The following DST variants were observed in gnomAD, a reference collection of about 807,000 sequenced individuals.
DST encodes the protein bullous pemphigoid antigen.
In DST, 253 loss-of-function variants were observed where a neutral mutation model predicts 875.2. The observed-to-expected ratio is 0.29, with a 90% confidence interval of 0.26 to 0.32. The LOEUF is 0.32. DST is among the 10% of genes least tolerant of loss of function. The pLI is 1.00. For missense variants in DST, 8,287 were observed against 9,111.6 expected, an observed-to-expected ratio of 0.91 and a Z score of 3.68; for synonymous variants, 3,124 against 3,197.1, an observed-to-expected ratio of 0.98 and a Z score of 0.77.
rs188037907 is a variant in DST, at chr6:56,482,557, A to C, written c.21402+126T>G. Reference sequence around the variant, plus strand: ...GAAGGATCAAGGCAATGTTGCTATTAGAATTTCCTTCTTCAGACTGTCCTG... The same window carrying C: ...GAAGGATCAAGGCAATGTTGCTATTCGAATTTCCTTCTTCAGACTGTCCTG... On this transcript the variant is annotated intron_variant, in intron 89 of 103. Coordinates refer to ENST00000680361, the MANE Select transcript of DST (RefSeq NM_001374736.1). 7 of 899,516 alleles carry C rather than the reference A, an allele frequency of 7.8e-6. No individual in the cohort carries two copies. The Admixed American group carries it at 8.9e-5, about 11-fold the overall frequency. 55.7% of individuals were successfully genotyped at this position (899,516 alleles called of 1,614,324 possible).
rs886061649 is a variant in DST, at chr6:56,631,989, A to C, written c.3857T>G (p.Ile1286Ser). The part of the protein sequence containing the change: ...YNLYISEVRN[I>S]RLRLENCEDR... ...TTCACAGTTCTCTAACCGAAGTCTA[A>C]TGTTTCGAACTTCAGAGATGTAGAG... is the stretch of plus-strand genomic sequence containing the variant. Residue 1286 changes from isoleucine to serine, a missense_variant, in exon 29 of 104, where the codon ATT (isoleucine) becomes AGT (serine). By Grantham distance (142) the Ile-to-Ser change is moderately radical. Around this residue, in one of 10 missense-constraint regions of DST, gnomAD observed 3,138 missense variants for 3,116.6 expected, o/e 1.01. Transcript: ENST00000680361. The C allele has an allele frequency of 1.5e-5, 25 of 1,613,546 alleles. No homozygotes were observed. The highest frequency in any genetic ancestry group is 2.1e-5 in the Non-Finnish European group (25 of 1,179,604).
At chr6:56,618,859 T>A (rs772996445) in intron 36 of DST, 1 of 1,614,170 alleles carries the variant, frequency 6.2e-7, no homozygotes, top group East Asian at 2.2e-5. Flanking sequence ...CTATGGTCTT[T>A]AAGTGTAATT....
At chr6:56,527,352 G>A (rs2096821724) in intron 68 of DST, 141 bp downstream of exon 68, 2 of 1,043,700 alleles carry the variant, frequency 1.9e-6, no homozygotes, top group Non-Finnish European at 2.7e-6. Flanking sequence ...TTGATCTGCT[G>A]CCAATTTCTA....
intron 37 of DST, 89 bp from the exon 38 acceptor site, chr6:56,611,685 G>A: frequency 2.2e-6 from 2 of 919,616 alleles, no homozygotes; most frequent in Non-Finnish European, 3.3e-6. Context: ...TCAAGCTTTA[G>A]TCAAGACCCA....
At chr6:56,855,759 T>C (rs1390410960) in intron 3 of DST, among the ~76,000 whole-genome samples, 1 of 152,184 alleles carries the variant, frequency 6.6e-6, no homozygotes, top group Non-Finnish European at 1.5e-5. Flanking sequence ...GAACCACACC[T>C]GGACAGGACA....
At chr6:56,917,934 C>T (rs559794475) in intron 2 of DST, among the ~76,000 whole-genome samples, 50 of 152,100 alleles carry the variant, frequency 3.3e-4, no homozygotes, top group African/African-American at 1.1e-3. Context: ...TTTTTTGAAC[C>T]CTATAAATAA....
At chr6:56,836,685 C>A (rs574742543) in intron 4 of DST, among the ~76,000 whole-genome samples, 1 of 151,242 alleles carries the variant, frequency 6.6e-6, no homozygotes, top group Non-Finnish European at 1.5e-5. Flanking sequence ...CCCGTCTCTA[C>A]TAAAAATACA....
intron 69 of DST, among the ~76,000 whole-genome samples, chr6:56,524,202 GT>G (rs1323941516): frequency 1.3e-5 from 2 of 152,034 alleles, no homozygotes; most frequent in Non-Finnish European, 2.9e-5. Flanking sequence ...AAAATTATGA[GT>G]TTGGAAACTT....
chr6:56,704,666 G>C (rs2099326048), intron 5 of DST, among the ~76,000 whole-genome samples: 1 of 152,108 alleles, frequency 6.6e-6, no homozygotes, highest in African/African-American at 2.4e-5. Context: ...TACGGACAAT[G>C]CCCTGACTTT....
In DST at chr6:56,607,016, G is replaced by A; in HGVS notation, c.7612C>T (p.His2538Tyr). Residue 2538 changes from histidine to tyrosine, a missense_variant, in exon 40 of 104, where the codon CAT becomes TAT. By Grantham distance (83) the His-to-Tyr change is moderately conservative. Around this residue, in one of 10 missense-constraint regions of DST, gnomAD observed 3,138 missense variants for 3,116.6 expected, o/e 1.01. Coordinates refer to ENST00000680361, the MANE Select transcript of DST (RefSeq NM_001374736.1). ...SNTSGEDEKT[H>Y]PGFQQMPEDK... ...TCAGGCATCTGCTGAAAACCTGGAT[G>A]TGTTTTTTCATCCTCACCAGAAGTA... 6.2e-7 allele frequency: 1 copy of A among 1,613,446 alleles called. No individual in the cohort carries two copies. The highest frequency in any genetic ancestry group is 1.3e-5 in the African/African-American group (1 of 75,006).
intron 46 of DST, 80 bp from the exon 47 acceptor site, chr6:56,598,086 A>C (rs2098408530): frequency 7.6e-7 from 1 of 1,318,876 alleles, no homozygotes; most frequent in African/African-American, 1.5e-5. Flanking sequence ...GTAAATACTT[A>C]GAACATTTTA....
intron 36 of DST, chr6:56,616,041 C>CA: frequency 6.2e-7 from 1 of 1,614,190 alleles, no homozygotes; most frequent in Non-Finnish European, 8.5e-7. Context: ...CATCGGAGGG[C>CA]AGTAATCCGA....
At chr6:56,761,475 GT>G (rs1196129516) in intron 4 of DST, among the ~76,000 whole-genome samples, 5 of 152,170 alleles carry the variant, frequency 3.3e-5, no homozygotes, top group African/African-American at 1.2e-4. Context: ...AGTAATTGTG[GT>G]TTTTATCATT....
intron 2 of DST, among the ~76,000 whole-genome samples, chr6:56,919,830 C>A (rs1217720724): frequency 1.3e-5 from 2 of 152,034 alleles, no homozygotes; most frequent in African/African-American, 4.8e-5. Flanking sequence ...ACCTGTAATC[C>A]CAGCTACTTG....
At chr6:56,771,503 C>CATTTTATCA (rs1220227930) in intron 4 of DST, among the ~76,000 whole-genome samples, 1 of 152,132 alleles carries the variant, frequency 6.6e-6, no homozygotes, top group East Asian at 1.9e-4. Context: ...TTTTTTCTAA[C>CATTTTATCA]ATTTCTAAAT....
At chr6:56,619,707 T>C in intron 36 of DST, 3 of 1,614,096 alleles carry the variant, frequency 1.9e-6, no homozygotes, top group Non-Finnish European at 1.7e-6. Context: ...TTCAATTGCC[T>C]ACCAAGCTCT....
intron 49 of DST, among the ~76,000 whole-genome samples, chr6:56,583,062 G>A (rs2098055942): frequency 6.6e-6 from 1 of 152,200 alleles, no homozygotes; most frequent in African/African-American, 2.4e-5. Flanking sequence ...ACATATGGGT[G>A]CATGTGTCTT....
intron 17 of DST, 97 bp from the exon 18 acceptor site, chr6:56,640,702 G>T (rs1203484917): frequency 1.0e-6 from 1 of 980,196 alleles, no homozygotes; most frequent in Non-Finnish European, 1.6e-6. Context: ...TAATAATGAT[G>T]TATCAATGTT....
chr6:56,951,753 GA>G lies in DST; in HGVS notation c.216+2031del, dbSNP rs1322856131. Among the ~76,000 whole-genome samples the G allele has an allele frequency of 5.9e-5, 9 of 152,122 alleles. No homozygotes were observed. The South Asian group carries it at 1.2e-3, about 21-fold the overall frequency. ...ACTAATATTGCATTTAAATTTTTCA[GA>G]AAAAAATTCAAACCGAATCCATTTT... On this transcript the variant is annotated intron_variant, in intron 2 of 103. Coordinates refer to ENST00000680361, the MANE Select transcript of DST (RefSeq NM_001374736.1).
Sources: gnomAD v4.1 joint callset for allele counts (sites outside exome capture counted in the v4.1 genomes callset) on GRCh38, gnomAD v4.1.1 for gene constraint, gnomAD v4.1.1 regional missense constraint, MANE v1.5 for transcripts, NCBI Gene and HGNC (gene_info 2026-07-23, HGNC 2026-07-21) for gene names.